Variants in PLCH2 observed in about 807,000 individuals in gnomAD.
PLCH2 encodes 1-phosphatidylinositol 4,5-bisphosphate phosphodiesterase eta-2.
PLCH2 carries 98 observed loss-of-function variants against 134.7 expected under a neutral mutation model. That is an observed-to-expected ratio of 0.73 (90% CI 0.62 to 0.86). PLCH2 has a LOEUF of 0.86. Ranked by LOEUF, PLCH2 falls within the 40% of genes least tolerant of loss-of-function variation. The probability of loss-of-function intolerance (pLI) is 0.00; values close to 1 mark genes in which losing one functional copy is unlikely to be tolerated. For missense variants in PLCH2, 1,994 were observed against 1,986.6 expected (o/e 1.00, Z -0.07); for synonymous variants, 974 against 827.5 (o/e 1.18, Z -3.04).
Position 2,505,310 on chromosome 1 carries a change from T to C in PLCH2, c.*97T>C. The C allele has an allele frequency of 4.3e-6, 4 of 924,006 alleles. No homozygotes were observed. The highest frequency in any genetic ancestry group is 6.4e-6 in the Non-Finnish European group (4 of 629,206). The allele number at this position is 924,006 out of a possible 1,614,324, so 57.2% of individuals were successfully genotyped here. A position where few individuals can be genotyped will look rare whatever the true frequency, so the allele number is the denominator to read the frequency against. Reference sequence around the variant, plus strand: ...CAGGGCAGCCAGGCCCCCAAAACTGTGTCCCCCTGGCTGCCCTGTGTCCCC... The same window carrying C: ...CAGGGCAGCCAGGCCCCCAAAACTGCGTCCCCCTGGCTGCCCTGTGTCCCC... On this transcript the variant is annotated 3_prime_UTR_variant, in exon 22 of 22. Coordinates refer to ENST00000378486, the MANE Select transcript of PLCH2 (RefSeq NM_014638.4).
chr1:2,436,578 C>CT (rs1553238989), intron 2 of PLCH2, among the ~76,000 whole-genome samples: 1 of 138,916 alleles, frequency 7.2e-6, no homozygotes, highest in Admixed American at 7.1e-5. Flanking sequence ...TCCTTCCTCC[C>CT]TCCTCCCTCC....
chr1:2,466,018 T>TC (rs575879633), upstream of PLCH2, among the ~76,000 whole-genome samples: 8 of 152,308 alleles, frequency 5.3e-5, no homozygotes, highest in South Asian at 1.7e-3. Flanking sequence ...GAGTGGACTG[T>TC]CCCAGGGGAC....
At chr1:2,496,196 C>T (rs1558025205) in intron 13 of PLCH2, among the ~76,000 whole-genome samples, 1 of 152,198 alleles carries the variant, frequency 6.6e-6, no homozygotes, top group Non-Finnish European at 1.5e-5. Context: ...GCCCTTAGCA[C>T]ACATCTGATC....
chr1:2,504,071 C>T lies in PLCH2; in HGVS notation c.3109C>T (p.Pro1037Ser). 1 of 1,548,202 alleles carries T rather than the reference C, an allele frequency of 6.5e-7. No homozygotes were observed. The highest frequency in any genetic ancestry group is 8.7e-7 in the Non-Finnish European group (1 of 1,146,612). Residue 1037 changes from proline (P) to serine (S), a missense_variant, in exon 22 of 22, where the codon CCC becomes TCC. By Grantham distance (74) the Pro-to-Ser change is moderately conservative. This residue lies in a region of PLCH2 where 900 missense variants were observed against 752.3 expected (regional missense o/e 1.20). Coordinates refer to ENST00000378486, the MANE Select transcript of PLCH2 (RefSeq NM_014638.4). ...GGGACGGCCCCCATACCCCACAGGA[C>T]CCGGAGCCAATGTGGCAAGCCCCCT... ...SQGRPPYPTG[P>S]GANVASPLED...
the PLCH2 span, among the ~76,000 whole-genome samples, chr1:2,420,304 C>A: frequency 2.0e-5 from 3 of 152,192 alleles, no homozygotes; most frequent in Non-Finnish European, 4.4e-5. Flanking sequence ...CTTTCAGCCC[C>A]CTGCCCTGTG....
chr1:2,481,702 G>A (rs1641978432), intron 4 of PLCH2, among the ~76,000 whole-genome samples: 1 of 152,260 alleles, frequency 6.6e-6, no homozygotes, highest in African/African-American at 2.4e-5. Context: ...TTGCTGTCAG[G>A]TTACCGGCCT....
the PLCH2 span, among the ~76,000 whole-genome samples, chr1:2,420,188 A>C: frequency 6.6e-6 from 1 of 151,866 alleles, no homozygotes; most frequent in Non-Finnish European, 1.5e-5. Context: ...CATCCCTCTC[A>C]GCTGACCCCA....
At chr1:2,442,520 C>T (rs1055329057) in intron 2 of PLCH2, among the ~76,000 whole-genome samples, 1 of 152,230 alleles carries the variant, frequency 6.6e-6, no homozygotes, top group Non-Finnish European at 1.5e-5. Flanking sequence ...CCCTGGCAGG[C>T]AGAGCTGACG....
intron 1 of PLCH2, among the ~76,000 whole-genome samples, chr1:2,468,261 G>C (rs1484767839): frequency 6.6e-6 from 1 of 152,248 alleles, no homozygotes; most frequent in Non-Finnish European, 1.5e-5. Flanking sequence ...GCGTCCTCAG[G>C]GTTCCCTGGA....
chr1:2,446,959 C>T (rs1639972829), intron 2 of PLCH2, among the ~76,000 whole-genome samples: 3 of 152,214 alleles, frequency 2.0e-5, no homozygotes, highest in Non-Finnish European at 2.9e-5. Context: ...TCAGGCAGCA[C>T]GGTGGCCTGG....
intron 1 of PLCH2, among the ~76,000 whole-genome samples, chr1:2,470,572 G>A (rs999835610): frequency 2.6e-5 from 4 of 152,312 alleles, no homozygotes; most frequent in African/African-American, 9.6e-5. Context: ...GTGCCGGGAC[G>A]GATGTGGCGG....
At chr1:2,449,892 C>A (rs1254261712) in intron 2 of PLCH2, among the ~76,000 whole-genome samples, 1 of 152,240 alleles carries the variant, frequency 6.6e-6, no homozygotes, top group Non-Finnish European at 1.5e-5. Flanking sequence ...CTCTGGGGAA[C>A]CAACAGCCCT....
At chr1:2,431,264 G>A (rs551180953) in intron 2 of PLCH2, among the ~76,000 whole-genome samples, 2 of 152,208 alleles carry the variant, frequency 1.3e-5, no homozygotes, top group Non-Finnish European at 2.9e-5. Context: ...GTGTGTGCGT[G>A]TGTGCGTGTG....
chr1:2,491,109 G>A, intron 10 of PLCH2, 83 bp from the exon 11 acceptor site: 1 of 1,354,074 alleles, frequency 7.4e-7, no homozygotes, highest in Non-Finnish European at 1.0e-6. Context: ...GGTGGGCAGA[G>A]TGCTGTGACC....
At chr1:2,483,611 G>A (rs1642091713) in intron 4 of PLCH2, among the ~76,000 whole-genome samples, 1 of 152,086 alleles carries the variant, frequency 6.6e-6, no homozygotes. Context: ...CCCTTGTGAG[G>A]CAAAGTCCTC....
At position 2,494,960 on chromosome 1, in the gene PLCH2, C is replaced by A; in HGVS notation, c.1752+12C>A. ...TCTCCAGGCGCAAGGTCCGGCGCAG[C>A]TCCCAGGCCAGGGTCCCGGTCTGGG... On this transcript the variant is annotated intron_variant, in intron 12 of 21. Coordinates refer to ENST00000378486, the MANE Select transcript of PLCH2 (RefSeq NM_014638.4). 1.3e-6 allele frequency: 2 copies of A among 1,566,450 alleles called. No individual in the cohort carries two copies. Among genetic ancestry groups the A allele is most frequent in the Non-Finnish European group, 1.7e-6 (2 of 1,157,236 alleles).
intron 2 of PLCH2, among the ~76,000 whole-genome samples, chr1:2,458,296 G>A (rs1640598469): frequency 6.6e-6 from 1 of 152,234 alleles, no homozygotes; most frequent in Non-Finnish European, 1.5e-5. Context: ...TCCAGACACT[G>A]GGACCTTGTG....
At chr1:2,428,021 G>A (rs957873149) in intron 1 of PLCH2, among the ~76,000 whole-genome samples, 4 of 152,172 alleles carry the variant, frequency 2.6e-5, no homozygotes, top group East Asian at 1.9e-4. Context: ...GTGTGTGGTC[G>A]TTGCACCCTG....
At chr1:2,460,039 C>T (rs116811735) in intron 2 of PLCH2, among the ~76,000 whole-genome samples, 1,741 of 152,344 alleles carry the variant, frequency 0.011, 29 homozygotes, top group African/African-American at 0.039. Context: ...TCTTCTGCTC[C>T]GGCAGTGACT....
Sources: gnomAD v4.1 joint callset for allele counts (sites outside exome capture counted in the v4.1 genomes callset) on GRCh38, gnomAD v4.1.1 for gene constraint, gnomAD v4.1.1 regional missense constraint, MANE v1.5 for transcripts, NCBI Gene and HGNC (gene_info 2026-07-23, HGNC 2026-07-21) for gene names.